Variants in PALLD observed in about 807,000 individuals in gnomAD.
PALLD encodes palladin.
Under a neutral mutation model 123.5 loss-of-function variants are expected in PALLD, and 61 were observed. The observed-to-expected ratio is 0.49, with a 90% confidence interval of 0.40 to 0.61. PALLD has a LOEUF of 0.61. Ranked by LOEUF, PALLD falls within the 20% of genes least tolerant of loss-of-function variation. The probability of loss-of-function intolerance (pLI) is 0.00; values close to 1 mark genes in which losing one functional copy is unlikely to be tolerated. For synonymous variants in PALLD, 465 were observed against 496.4 expected, an observed-to-expected ratio of 0.94 and a Z score of 0.84; for missense variants, 1,273 against 1,377.0, an observed-to-expected ratio of 0.92 and a Z score of 1.20.
chr4:168,906,988 C>A (rs147582336), intron 15 of PALLD, among the ~76,000 whole-genome samples: 1 of 152,284 alleles, frequency 6.6e-6, no homozygotes, highest in East Asian at 1.9e-4. Flanking sequence ...CCATGCAGTA[C>A]AGGGGTTATG....
At chr4:168,541,163 G>A (rs368924877) in intron 2 of PALLD, among the ~76,000 whole-genome samples, 8 of 152,316 alleles carry the variant, frequency 5.3e-5, no homozygotes, top group East Asian at 1.9e-4. Flanking sequence ...TTACTTAAGC[G>A]TCAATGAATT....
intron 10 of PALLD, among the ~76,000 whole-genome samples, chr4:168,766,448 G>A (rs1054347611): frequency 6.6e-6 from 1 of 152,190 alleles, no homozygotes; most frequent in Non-Finnish European, 1.5e-5. Flanking sequence ...GTAGTGTCAT[G>A]GACTTGAAAG....
At chr4:168,555,060 G>T (rs1042658648) in intron 2 of PALLD, among the ~76,000 whole-genome samples, 1 of 152,010 alleles carries the variant, frequency 6.6e-6, no homozygotes, top group Non-Finnish European at 1.5e-5. Context: ...TATGCAAGGA[G>T]AAAAAACAAA....
chr4:168,914,723 C>T (rs1197539548), intron 16 of PALLD, among the ~76,000 whole-genome samples: 1 of 152,130 alleles, frequency 6.6e-6, no homozygotes, highest in Non-Finnish European at 1.5e-5. Flanking sequence ...ACAGAATATC[C>T]TCAAATAGTC....
intron 9 of PALLD, among the ~76,000 whole-genome samples, chr4:168,709,577 AGG>A (rs1784579892): frequency 0.48 from 543 of 1,120 alleles, 166 homozygotes; most frequent in African/African-American, 0.62. Flanking sequence ...GAAGGAAGGA[AGG>A]AAGGAAGGAA....
At chr4:168,740,556 A>T (rs967691543) in intron 10 of PALLD, among the ~76,000 whole-genome samples, 3 of 152,222 alleles carry the variant, frequency 2.0e-5, no homozygotes, top group Admixed American at 1.3e-4. Flanking sequence ...AGGCGCTTTC[A>T]GAATAATTAA....
intron 2 of PALLD, among the ~76,000 whole-genome samples, chr4:168,517,285 A>C (rs1489052600): frequency 6.6e-6 from 1 of 152,198 alleles, no homozygotes; most frequent in African/African-American, 2.4e-5. Context: ...TATGTCAAAA[A>C]AAACTTTTAA....
intron 2 of PALLD, among the ~76,000 whole-genome samples, chr4:168,581,990 T>C (rs547247683): frequency 5.3e-5 from 8 of 152,220 alleles, no homozygotes; most frequent in African/African-American, 1.9e-4. Context: ...CCAGTTTTTC[T>C]AGTGCCATTT....
In PALLD at chr4:168,787,235, C is replaced by T. The variant is rs181961155; in HGVS notation, c.1964+75312C>T. Among the ~76,000 whole-genome samples, 159 of 152,260 alleles carry T rather than the reference C, an allele frequency of 1.0e-3. 1 individual carries two copies. Among genetic ancestry groups the T allele is most frequent in the Admixed American group, 2.9e-3 (45 of 15,286 alleles). The stretch of plus-strand genomic sequence containing the variant: ...ATTTATTAAGAACCTGCCCATCAGC[C>T]AGGTAATCAGGAATCCTAAGATTAA... On this transcript the variant is annotated intron_variant, in intron 10 of 21. Coordinates refer to ENST00000505667, the MANE Select transcript of PALLD (RefSeq NM_001166108.2).
At chr4:168,755,108 C>A (rs1258376304) in intron 10 of PALLD, among the ~76,000 whole-genome samples, 1 of 151,920 alleles carries the variant, frequency 6.6e-6, no homozygotes, top group African/African-American at 2.4e-5. Context: ...TGGCGGGCGC[C>A]TGTAGTCTCA....
intron 10 of PALLD, among the ~76,000 whole-genome samples, chr4:168,788,596 G>C (rs1365056985): frequency 6.6e-6 from 1 of 152,148 alleles, no homozygotes; most frequent in Non-Finnish European, 1.5e-5. Context: ...ACAACACCAA[G>C]AGTGAACGCT....
chr4:168,558,559 C>T (rs1341039266), intron 2 of PALLD, among the ~76,000 whole-genome samples: 3 of 152,164 alleles, frequency 2.0e-5, no homozygotes, highest in South Asian at 2.1e-4. Flanking sequence ...CTTCCCTCTC[C>T]GAACTCTGAC....
chr4:168,522,303 G>C (rs1204172585), intron 2 of PALLD, among the ~76,000 whole-genome samples: 2 of 152,126 alleles, frequency 1.3e-5, no homozygotes, highest in Admixed American at 6.6e-5. Flanking sequence ...TAGATAAATT[G>C]ACCTTTTATT....
chr4:168,900,574 C>T (rs966958716), intron 14 of PALLD, among the ~76,000 whole-genome samples: 1 of 152,184 alleles, frequency 6.6e-6, no homozygotes, highest in Non-Finnish European at 1.5e-5. Flanking sequence ...TTTCCTATAG[C>T]TCCATGGCAT....
chr4:168,786,397 G>A (rs1274763918), intron 10 of PALLD, among the ~76,000 whole-genome samples: 1 of 152,086 alleles, frequency 6.6e-6, no homozygotes, highest in African/African-American at 2.4e-5. Flanking sequence ...TTACCTGTCA[G>A]GTATGGTAGC....
At chr4:168,739,760 C>T (rs1328338643) in intron 10 of PALLD, among the ~76,000 whole-genome samples, 1 of 152,206 alleles carries the variant, frequency 6.6e-6, no homozygotes, top group African/African-American at 2.4e-5. Context: ...ATAGAAGTTG[C>T]AGTCCTCTCC....
intron 10 of PALLD, among the ~76,000 whole-genome samples, chr4:168,790,263 G>A (rs1737324680): frequency 6.6e-6 from 1 of 150,788 alleles, no homozygotes; most frequent in Non-Finnish European, 1.5e-5. Context: ...CCGGGTTCAA[G>A]CCATTCTCCT....
In PALLD at chr4:168,778,951, G is replaced by A. The variant is rs145742957; in HGVS notation, c.1964+67028G>A. On this transcript the variant is annotated intron_variant, in intron 10 of 21. Coordinates refer to ENST00000505667, the MANE Select transcript of PALLD (RefSeq NM_001166108.2). ...TTCGGGATTATAGGCATGAGCCACCGTCCTCCGCCAAAGAGGTCCTGCTCT... is the reference window on the plus strand; with the variant it reads ...TTCGGGATTATAGGCATGAGCCACCATCCTCCGCCAAAGAGGTCCTGCTCT... Among the ~76,000 whole-genome samples the A allele has an allele frequency of 3.3e-5, 5 of 152,266 alleles. No individual in the cohort carries two copies. In the East Asian group the frequency reaches 5.8e-4, roughly 18 times the overall value.
In PALLD at chr4:168,512,119, G is replaced by A. The variant is rs748838534; in HGVS notation, c.615G>A (p.Leu205=). 5.3e-5 allele frequency: 85 copies of A among 1,614,206 alleles called. No individual in the cohort carries two copies. The highest frequency in any genetic ancestry group is 6.9e-5 in the Non-Finnish European group (82 of 1,180,036). ...GESSSPDSGY[L]SPKNQPSALL... ...CCTCGTCACCAGACAGTGGGTACCT[G>A]TCTCCTAAAAATCAGCCGTCAGCCC... Residue 205 remains leucine, a synonymous_variant, in exon 2 of 22, where the codon CTG becomes CTA. Coordinates refer to ENST00000505667, the MANE Select transcript of PALLD (RefSeq NM_001166108.2).
Sources: allele counts gnomAD v4.1 joint callset (sites outside exome capture counted in the v4.1 genomes callset), GRCh38; gene constraint gnomAD v4.1.1; transcripts MANE v1.5; gene names NCBI Gene and HGNC (gene_info 2026-07-23, HGNC 2026-07-21).